The following ATP7A variants were observed in gnomAD, a reference collection of about 807,000 sequenced individuals.
ATP7A encodes the protein copper-transporting ATPase 1.
A neutral mutation model predicts 83.5 loss-of-function variants in ATP7A; 7 were observed. The ratio of observed to expected loss-of-function variants is 0.08; its 90% CI spans 0.05 to 0.16. The LOEUF (loss-of-function observed/expected upper bound fraction) is 0.16. Ranked by LOEUF, ATP7A falls within the 10% of genes least tolerant of loss-of-function variation. ATP7A has a pLI of 1.00. For missense variants in ATP7A, 940 were observed against 1,120.8 expected (o/e 0.84, Z 2.30); for synonymous variants, 354 against 395.2 (o/e 0.90, Z 1.24).
rs1557223588 is a variant in ATP7A at position 77,926,613 on chromosome X, G to A, written c.-22+15778G>A. 2.7e-5 allele frequency among the ~76,000 whole-genome samples: 3 copies of A among 111,992 alleles called. No individual in the cohort carries two copies. In the Admixed American group the frequency reaches 2.8e-4, roughly 11 times the overall value. ...CCCAAAGTGCTGGGATTATAGGCAT[G>A]AGCCACCACGCCCAGCCCCAGTCAA... On this transcript the variant is annotated intron_variant, in intron 1 of 22. Coordinates refer to ENST00000341514, the MANE Select transcript of ATP7A (RefSeq NM_000052.7).
At chrX:77,987,782 A>T (rs1055563668) in intron 2 of ATP7A, among the ~76,000 whole-genome samples, 32 of 111,382 alleles carry the variant, frequency 2.9e-4, no homozygotes, top group Non-Finnish European at 5.1e-4. Context: ...TTATTTTTTT[A>T]AATTGACATA....
intron 2 of ATP7A, among the ~76,000 whole-genome samples, chrX:77,982,986 G>T (rs1162094020): frequency 8.9e-6 from 1 of 112,001 alleles, no homozygotes; most frequent in African/African-American, 3.2e-5. Context: ...TGACTTCCTG[G>T]TTCATGTATT....
chrX:77,993,271 A>AT (rs1557232253), intron 4 of ATP7A, among the ~76,000 whole-genome samples: 1 of 111,406 alleles, frequency 9.0e-6, no homozygotes, highest in African/African-American at 3.3e-5. Flanking sequence ...CAAAAACAGA[A>AT]TTTTTTTCTA....
chrX:77,930,792 A>T (rs1244793937), intron 1 of ATP7A, among the ~76,000 whole-genome samples: 1 of 110,533 alleles, frequency 9.0e-6, no homozygotes, highest in Non-Finnish European at 1.9e-5. Flanking sequence ...ATACTAGCTG[A>T]GGAAGGAGGA....
intron 14 of ATP7A, among the ~76,000 whole-genome samples, chrX:78,023,854 A>C (rs1203869496): frequency 1.8e-5 from 2 of 111,631 alleles, no homozygotes; most frequent in African/African-American, 6.5e-5. Flanking sequence ...TTGAGGTCTT[A>C]GTCATAAATT....
At chrX:78,043,553 A>T in intron 21 of ATP7A, 119 bp downstream of exon 21, 1 of 549,318 alleles carries the variant, frequency 1.8e-6, no homozygotes, top group East Asian at 3.5e-5. Context: ...GCCTACTGGT[A>T]TGGTGAGAGG....
intron 4 of ATP7A, among the ~76,000 whole-genome samples, chrX:77,993,904 T>A: frequency 9.0e-6 from 1 of 111,179 alleles, no homozygotes; most frequent in Non-Finnish European, 1.9e-5. Context: ...TAATTTAAAA[T>A]AGCTAGCATT....
At chrX:77,915,399 T>C (rs1557222412) in intron 1 of ATP7A, among the ~76,000 whole-genome samples, 2 of 109,686 alleles carry the variant, frequency 1.8e-5, no homozygotes, top group African/African-American at 6.6e-5. Context: ...TCCCAGCCCC[T>C]CTGCTTACTA....
At chrX:77,927,139 T>C (rs1466346159) in intron 1 of ATP7A, among the ~76,000 whole-genome samples, 1 of 112,335 alleles carries the variant, frequency 8.9e-6, no homozygotes, top group Non-Finnish European at 1.9e-5. Flanking sequence ...TGAAACATAA[T>C]GGGACTTCAA....
intron 1 of ATP7A, chrX:77,964,767 G>A (rs1034740602): frequency 6.3e-5 from 7 of 111,380 alleles, no homozygotes; most frequent in African/African-American, 1.6e-4. Context: ...TTATGGCTGC[G>A]GAGTATTCCA....
intron 1 of ATP7A, among the ~76,000 whole-genome samples, chrX:77,913,876 C>T (rs1202853519): frequency 8.9e-6 from 1 of 111,936 alleles, no homozygotes; most frequent in African/African-American, 3.2e-5. Context: ...AAGAGTTTTA[C>T]TTATTTTTAC....
chrX:78,004,223 T>G (rs1557233487), intron 6 of ATP7A, among the ~76,000 whole-genome samples: 1 of 109,952 alleles, frequency 9.1e-6, no homozygotes, highest in Non-Finnish European at 1.9e-5. Context: ...CAAAACTACA[T>G]GTATGTGTAC....
At chrX:77,976,694 G>A (rs1206855386) in intron 2 of ATP7A, among the ~76,000 whole-genome samples, 2 of 111,965 alleles carry the variant, frequency 1.8e-5, no homozygotes, top group Admixed American at 1.9e-4. Flanking sequence ...TTGTATGAGG[G>A]AAAAAGCAGT....
chrX:77,928,231 G>A (rs977583080), intron 1 of ATP7A, among the ~76,000 whole-genome samples: 2 of 111,296 alleles, frequency 1.8e-5, no homozygotes, highest in South Asian at 7.6e-4. Flanking sequence ...AAACTCTGTA[G>A]GGATTGGTGT....
At chrX:77,947,087 G>C (rs990987567) in intron 1 of ATP7A, among the ~76,000 whole-genome samples, 16 of 111,806 alleles carry the variant, frequency 1.4e-4, no homozygotes, top group African/African-American at 5.2e-4. Context: ...GCTTTAAAAA[G>C]GAATTAAATT....
intron 2 of ATP7A, among the ~76,000 whole-genome samples, chrX:77,980,481 C>T (rs2077598944): frequency 9.1e-6 from 1 of 109,996 alleles, no homozygotes; most frequent in Non-Finnish European, 1.9e-5. Context: ...AAAATGACCA[C>T]ATCAATGCTA....
intron 1 of ATP7A, among the ~76,000 whole-genome samples, chrX:77,927,423 A>G (rs903210586): frequency 4.5e-5 from 5 of 111,723 alleles, no homozygotes; most frequent in Non-Finnish European, 7.5e-5. Context: ...CATCACAGAC[A>G]TGATGTCATT....
intron 1 of ATP7A, among the ~76,000 whole-genome samples, chrX:77,965,989 GA>G (rs1358253333): frequency 8.9e-6 from 1 of 112,191 alleles, no homozygotes; most frequent in East Asian, 2.8e-4. Context: ...GAAGGCTTAG[GA>G]GGTGATGACT....
intron 14 of ATP7A, among the ~76,000 whole-genome samples, chrX:78,027,400 G>T (rs945429848): frequency 5.4e-5 from 6 of 111,721 alleles, no homozygotes; most frequent in African/African-American, 1.9e-4. Context: ...AACCAAGGAG[G>T]TGAAAGATCT....
Sources: allele counts gnomAD v4.1 joint callset (sites outside exome capture counted in the v4.1 genomes callset), GRCh38; gene constraint gnomAD v4.1.1; transcripts MANE v1.5; gene names NCBI Gene and HGNC (gene_info 2026-07-23, HGNC 2026-07-21).